The following TLL2 variants were observed in gnomAD, a reference collection of about 807,000 sequenced individuals.
The protein encoded by TLL2 is tolloid like 2.
A neutral mutation model predicts 123.0 loss-of-function variants in TLL2; 106 were observed. The ratio of observed to expected loss-of-function variants is 0.86; its 90% CI spans 0.74 to 1.01. The LOEUF is 1.01. TLL2 is among the 50% of genes least tolerant of loss of function. The pLI is 0.00. For synonymous variants in TLL2, 494 were observed against 516.8 expected, an observed-to-expected ratio of 0.96 and a Z score of 0.60; for missense variants, 1,332 against 1,336.7, an observed-to-expected ratio of 1.00 and a Z score of 0.06.
Position 96,428,730 on chromosome 10 carries a change from A to G in TLL2, c.539T>C (p.Phe180Ser), listed in dbSNP as rs1846704556. The change falls in exon 5 of 21, where the codon TTT becomes TCT. Residue 180 changes from phenylalanine to serine, a missense_variant. Physicochemically the swap from Phe to Ser is radical, Grantham distance 155. Coordinates refer to ENST00000357947, the MANE Select transcript of TLL2 (RefSeq NM_012465.4). ...CTCCCAGTGTCTCATGGCCTGCTTA[A>G]AAATGGCCCTCTGGCTCCCTGAAAC... is the stretch of plus-strand genomic sequence containing the variant. Reference protein sequence around the residue: ...GNFTGSQRAIFKQAMRHWEKH... With the variant: ...GNFTGSQRAISKQAMRHWEKH... 6.2e-7 allele frequency: 1 copy of G among 1,613,422 alleles called. No individual in the cohort carries two copies. The highest frequency in any genetic ancestry group is 8.5e-7 in the Non-Finnish European group (1 of 1,179,642).
At chr10:96,506,789 G>A (rs1341188026) in intron 1 of TLL2, among the ~76,000 whole-genome samples, 1 of 152,036 alleles carries the variant, frequency 6.6e-6, no homozygotes, top group African/African-American at 2.4e-5. Flanking sequence ...AGGGTGTGCT[G>A]CACTGATCAC....
intron 3 of TLL2, among the ~76,000 whole-genome samples, chr10:96,444,804 A>C (rs1055165582): frequency 3.3e-5 from 5 of 152,254 alleles, no homozygotes; most frequent in African/African-American, 9.6e-5. Flanking sequence ...GTAAAAATGT[A>C]AAATAGCATG....
intron 2 of TLL2, among the ~76,000 whole-genome samples, chr10:96,467,468 C>T (rs981819095): frequency 2.6e-5 from 4 of 152,208 alleles, no homozygotes; most frequent in East Asian, 1.9e-4. Context: ...CCTGGCCTCA[C>T]GTGATCCTTC....
intron 2 of TLL2, among the ~76,000 whole-genome samples, chr10:96,456,677 A>G (rs1847019291): frequency 6.6e-6 from 1 of 152,228 alleles, no homozygotes; most frequent in Non-Finnish European, 1.5e-5. Context: ...GCTCAGAACC[A>G]CTGGATGCCC....
In TLL2 at chr10:96,369,954, T is replaced by A. The variant is rs1589402622; in HGVS notation, c.2913+111A>T. 5 of 1,420,672 alleles carry A rather than the reference T, an allele frequency of 3.5e-6. No individual in the cohort carries two copies. In the South Asian group the frequency reaches 7.5e-5, roughly 21 times the overall value. The allele number at this position is 1,420,672 out of a possible 1,614,324, so 88.0% of individuals were successfully genotyped here. On this transcript the variant is annotated intron_variant, in intron 20 of 20. Coordinates refer to ENST00000357947, the MANE Select transcript of TLL2 (RefSeq NM_012465.4). ...TCTGCAGAACGTGCCTCCTCGCCGT[T>A]GCTCCTAAGTGGAGTAGGTGGCCGG...
At chr10:96,424,065 ACAT>A (rs1236716550) in intron 5 of TLL2, among the ~76,000 whole-genome samples, 4 of 152,222 alleles carry the variant, frequency 2.6e-5, no homozygotes. Flanking sequence ...AGAAAGACAA[ACAT>A]CATATGTTCT....
chr10:96,439,746 C>G (rs867624546), intron 3 of TLL2, among the ~76,000 whole-genome samples: 2 of 152,120 alleles, frequency 1.3e-5, no homozygotes, highest in Non-Finnish European at 2.9e-5. Flanking sequence ...ATGTAATACA[C>G]TGTTAAACCT....
chr10:96,458,678 G>C (rs1327098447), intron 2 of TLL2, among the ~76,000 whole-genome samples: 1 of 151,608 alleles, frequency 6.6e-6, no homozygotes. Context: ...GTCTGAGGTG[G>C]GAGAATTGCT....
At chr10:96,381,505 G>T (rs1484278653) in intron 16 of TLL2, among the ~76,000 whole-genome samples, 1 of 152,024 alleles carries the variant, frequency 6.6e-6, no homozygotes, top group Non-Finnish European at 1.5e-5. Flanking sequence ...CTCCCCTACT[G>T]GGGACCCTGA....
chr10:96,473,882 C>A (rs1847208673), intron 2 of TLL2, among the ~76,000 whole-genome samples: 1 of 152,160 alleles, frequency 6.6e-6, no homozygotes, highest in South Asian at 2.1e-4. Flanking sequence ...GGCTTCTCCT[C>A]CACATCTCCT....
At position 96,370,074 on chromosome 10, in the gene TLL2, A is replaced by G. The variant is rs1405847572; in HGVS notation, c.2904T>C (p.Cys968=). The change falls in exon 20 of 21, where the codon TGT becomes TGC. Residue 968 remains cysteine (C), a synonymous_variant. Coordinates refer to ENST00000357947, the MANE Select transcript of TLL2 (RefSeq NM_012465.4). ...DSSAPRLGRF[C]GSGPLEEIYS... Reference sequence around the variant, plus strand: ...CGTCTCCGGGACTTACCCCAGAGCCACAGAAGCGGCCGAGCCTGGGCGCTG... The same window carrying G: ...CGTCTCCGGGACTTACCCCAGAGCCGCAGAAGCGGCCGAGCCTGGGCGCTG... The G allele has an allele frequency of 6.3e-7, 1 of 1,592,052 alleles. No individual in the cohort carries two copies. The highest frequency in any genetic ancestry group is 1.1e-5 in the South Asian group (1 of 87,362).
intron 10 of TLL2, among the ~76,000 whole-genome samples, chr10:96,404,144 T>C (rs1470996212): frequency 6.6e-5 from 10 of 152,288 alleles, no homozygotes; most frequent in Admixed American, 1.3e-4. Flanking sequence ...GTGTGCTGAG[T>C]GCCGGTCCCC....
At position 96,428,685 on chromosome 10, in the gene TLL2, A is replaced by G; in HGVS notation, c.584T>C (p.Phe195Ser). The G allele has an allele frequency of 6.2e-7, 1 of 1,614,080 alleles. No homozygotes were observed. The highest frequency in any genetic ancestry group is 8.5e-7 in the Non-Finnish European group (1 of 1,179,960). The change falls in exon 5 of 21, where the codon TTC becomes TCC. Residue 195 changes from phenylalanine to serine, a missense_variant. By Grantham distance (155) the Phe-to-Ser change is radical. Coordinates refer to ENST00000357947, the MANE Select transcript of TLL2 (RefSeq NM_012465.4). ...RHWEKHTCVT[F>S]IERTDEESFI... The stretch of plus-strand genomic sequence containing the variant: ...GCTTTCCTCATCCGTCCTTTCTATG[A>G]AGGTCACACAGGTGTGCTTCTCCCA...
At chr10:96,435,389 C>T (rs1314483020) in intron 3 of TLL2, among the ~76,000 whole-genome samples, 3 of 152,110 alleles carry the variant, frequency 2.0e-5, no homozygotes, top group Non-Finnish European at 4.4e-5. Flanking sequence ...ATATAATTTC[C>T]AAATCTTTCT....
At chr10:96,454,012 C>CAT (rs756024922) in intron 2 of TLL2, among the ~76,000 whole-genome samples, 1 of 18,910 alleles carries the variant, frequency 5.3e-5, no homozygotes, top group African/African-American at 1.1e-4. Context: ...TGTGCGCCTG[C>CAT]ACACACACAC....
intron 1 of TLL2, among the ~76,000 whole-genome samples, chr10:96,484,830 C>A (rs187888608): frequency 1.2e-4 from 19 of 152,294 alleles, no homozygotes; most frequent in Admixed American, 1.0e-3. Flanking sequence ...ATTACAAAAT[C>A]TATAAACTGC....
At chr10:96,434,084 C>A (rs936696727) in intron 3 of TLL2, among the ~76,000 whole-genome samples, 3 of 152,064 alleles carry the variant, frequency 2.0e-5, no homozygotes, top group African/African-American at 4.8e-5. Context: ...CAATTCTTTT[C>A]ACTTTTCTTT....
intron 8 of TLL2, among the ~76,000 whole-genome samples, chr10:96,412,500 G>C (rs1311702560): frequency 2.6e-5 from 4 of 152,180 alleles, no homozygotes; most frequent in Non-Finnish European, 5.9e-5. Context: ...CAGACGGTGT[G>C]TGTATGATGA....
intron 1 of TLL2, among the ~76,000 whole-genome samples, chr10:96,509,831 C>T (rs1847610505): frequency 6.6e-6 from 1 of 152,238 alleles, no homozygotes; most frequent in African/African-American, 2.4e-5. Flanking sequence ...CCTGTAGTCC[C>T]AGCTACTCGG....
Sources: gnomAD v4.1 joint callset for allele counts (sites outside exome capture counted in the v4.1 genomes callset) on GRCh38, gnomAD v4.1.1 for gene constraint, MANE v1.5 for transcripts, NCBI Gene and HGNC (gene_info 2026-07-23, HGNC 2026-07-21) for gene names.